The following CAMTA1 variants were observed in gnomAD, a reference collection of about 807,000 sequenced individuals.
CAMTA1 encodes the protein calmodulin binding transcription activator 1, also known as calmodulin-binding transcription activator 1.
CAMTA1 carries 27 observed loss-of-function variants against 170.9 expected under a neutral mutation model. The observed-to-expected ratio is 0.16, with a 90% confidence interval of 0.12 to 0.22. CAMTA1 has a LOEUF of 0.22. Ranked by LOEUF, CAMTA1 falls within the 10% of genes least tolerant of loss-of-function variation. CAMTA1 has a pLI of 1.00. For synonymous variants in CAMTA1, 833 were observed against 891.5 expected (o/e 0.93, Z 1.17); for missense variants, 1,619 against 2,217.2 (o/e 0.73, Z 5.42).
At position 7,547,621 on chromosome 1, in the gene CAMTA1, G is replaced by C. The variant is rs568590934; in HGVS notation, c.510+79720G>C. Among the ~76,000 whole-genome samples the C allele has an allele frequency of 6.6e-6, 1 of 152,042 alleles. No homozygotes were observed. Among genetic ancestry groups the C allele is most frequent in the Admixed American group, 6.5e-5 (1 of 15,276 alleles). ...TTGTCCAACCCATGGCTTGTGGGCT[G>C]CCTGTGGCCCAGGACAGCTTTGAAT... On this transcript the variant is annotated intron_variant, in intron 6 of 22. Transcript: ENST00000303635. The surrounding 1 kb of genome is among the most constrained non-coding windows in gnomAD (Gnocchi z 5.7).
chr1:7,075,368 C>T (rs1639157026), intron 3 of CAMTA1, among the ~76,000 whole-genome samples: 1 of 152,138 alleles, frequency 6.6e-6, no homozygotes, highest in East Asian at 1.9e-4. Flanking sequence ...AACAATGTTA[C>T]CTATGGTGCA....
intron 16 of CAMTA1, among the ~76,000 whole-genome samples, chr1:7,743,734 A>G (rs2150077597): frequency 6.6e-6 from 1 of 152,202 alleles, no homozygotes; most frequent in Admixed American, 6.5e-5. Context: ...CCTAAGAGGT[A>G]TGCAAGGACA....
chr1:7,603,711 T>G (rs956770588), intron 6 of CAMTA1, among the ~76,000 whole-genome samples: 1 of 152,228 alleles, frequency 6.6e-6, no homozygotes, highest in Non-Finnish European at 1.5e-5. Flanking sequence ...ATGTGTGAAT[T>G]TGATCCTGTC....
rs543510020 is a variant in CAMTA1 at position 6,836,217 on chromosome 1, T to G, written c.234+11007T>G. Among the ~76,000 whole-genome samples the G allele has an allele frequency of 7.9e-5, 12 of 152,312 alleles. No individual in the cohort carries two copies. The East Asian group carries it at 1.9e-3, about 24-fold the overall frequency. On this transcript the variant is annotated intron_variant, in intron 3 of 22. Transcript: ENST00000303635. ...AAGCTCCTAAAAAATAACCTAAGTT[T>G]TACAGTATTAGTGCTTTTAGAAAGC...
At chr1:7,520,228 C>CCTCCTCCTCCTTCT in intron 6 of CAMTA1, among the ~76,000 whole-genome samples, 1 of 7,150 alleles carries the variant, frequency 1.4e-4, no homozygotes, top group African/African-American at 6.3e-4. Context: ...TCCTCCTCCT[C>CCTCCTCCTCCTTCT]CCTCCTCCTC....
At chr1:7,159,248 C>T (rs1336130440) in intron 4 of CAMTA1, among the ~76,000 whole-genome samples, 1 of 152,014 alleles carries the variant, frequency 6.6e-6, no homozygotes, top group Admixed American at 6.6e-5. Context: ...TGCAAAACTT[C>T]AAAGTGATGG....
chr1:7,754,891 T>C (rs919294826), intron 21 of CAMTA1, among the ~76,000 whole-genome samples: 3 of 152,242 alleles, frequency 2.0e-5, no homozygotes, highest in African/African-American at 7.2e-5. Flanking sequence ...CCTAAAAATC[T>C]ATCCTGGAAG....
intron 5 of CAMTA1, among the ~76,000 whole-genome samples, chr1:7,411,705 A>G (rs186670785): frequency 2.0e-5 from 3 of 152,236 alleles, no homozygotes; most frequent in African/African-American, 7.2e-5. Context: ...ATGTGGCTGA[A>G]TGAACGAATG....
intron 3 of CAMTA1, among the ~76,000 whole-genome samples, chr1:6,896,667 A>T (rs1358733215): frequency 1.3e-5 from 2 of 152,106 alleles, no homozygotes; most frequent in Non-Finnish European, 2.9e-5. Context: ...AAAGAAGCTG[A>T]TGCAGAGGGT....
chr1:6,916,286 A>G (rs1400431684), intron 3 of CAMTA1, among the ~76,000 whole-genome samples: 1 of 152,090 alleles, frequency 6.6e-6, no homozygotes, highest in Admixed American at 6.5e-5. Flanking sequence ...CAGAGTAGAA[A>G]GCTCATCCGT....
rs1316327758 is a variant in CAMTA1 at position 7,585,147 on chromosome 1, C to G, written c.511-55253C>G. Among the ~76,000 whole-genome samples the G allele has an allele frequency of 6.6e-6, 1 of 152,146 alleles. No individual in the cohort carries two copies. The highest frequency in any genetic ancestry group is 1.5e-5 in the Non-Finnish European group (1 of 68,034). ...CATCAGTTCAGGTCACGTTTTGCCA[C>G]CAAATGAGTTATGAACAAGCTGTGG... On this transcript the variant is annotated intron_variant, in intron 6 of 22. Coordinates refer to ENST00000303635, the MANE Select transcript of CAMTA1 (RefSeq NM_015215.4). This position sits in a 1 kb window ranked among gnomAD's most constrained non-coding sequence, Gnocchi z 4.8.
intron 4 of CAMTA1, among the ~76,000 whole-genome samples, chr1:7,125,726 G>C (rs1159945667): frequency 3.3e-5 from 5 of 152,148 alleles, no homozygotes; most frequent in Admixed American, 3.3e-4. Context: ...TGTAGGGTGA[G>C]AGGGGCTGAA....
At chr1:7,423,440 G>C (rs1353611825) in intron 5 of CAMTA1, among the ~76,000 whole-genome samples, 1 of 142,854 alleles carries the variant, frequency 7.0e-6, no homozygotes, top group African/African-American at 2.7e-5. Flanking sequence ...CTGCACTCCA[G>C]CCTGGGTGAC....
At chr1:6,873,535 T>C (rs1390582950) in intron 3 of CAMTA1, among the ~76,000 whole-genome samples, 1 of 152,222 alleles carries the variant, frequency 6.6e-6, no homozygotes, top group East Asian at 1.9e-4. Context: ...AGCTCCCTGC[T>C]GTTGGAATCG....
intron 5 of CAMTA1, among the ~76,000 whole-genome samples, chr1:7,378,300 C>CAG (rs2087001322): frequency 6.6e-6 from 1 of 151,966 alleles, no homozygotes; most frequent in Non-Finnish European, 1.5e-5. Context: ...ATCCTAGCTT[C>CAG]AGAGAGAGAG....
intron 5 of CAMTA1, among the ~76,000 whole-genome samples, chr1:7,307,969 C>T (rs1675843267): frequency 6.6e-6 from 1 of 151,774 alleles, no homozygotes; most frequent in Admixed American, 6.6e-5. Context: ...TCAGGGAAAC[C>T]ATCTAGGCCT....
intron 1 of CAMTA1, among the ~76,000 whole-genome samples, chr1:6,813,440 ATC>A (rs1645415447): frequency 6.7e-6 from 1 of 150,072 alleles, no homozygotes; most frequent in South Asian, 2.1e-4. Context: ...TTTTCTTGGT[ATC>A]TCTGAAAACT....
intron 5 of CAMTA1, among the ~76,000 whole-genome samples, chr1:7,442,233 T>G (rs1431171008): frequency 1.3e-5 from 2 of 152,196 alleles, no homozygotes; most frequent in Non-Finnish European, 2.9e-5. Context: ...TGAGAACTAC[T>G]GTCATTCATT....
intron 6 of CAMTA1, among the ~76,000 whole-genome samples, chr1:7,603,672 G>A (rs2095464143): frequency 6.6e-6 from 1 of 152,118 alleles, no homozygotes; most frequent in African/African-American, 2.4e-5. Context: ...GGACCATTTA[G>A]CCCATTTACA....
Sources: allele counts gnomAD v4.1 joint callset (sites outside exome capture counted in the v4.1 genomes callset), GRCh38; gene constraint gnomAD v4.1.1; non-coding constraint Gnocchi (gnomAD v3.1); transcripts MANE v1.5; gene names NCBI Gene and HGNC (gene_info 2026-07-23, HGNC 2026-07-21).